The following MRPL35 variants were observed in gnomAD, a reference collection of about 807,000 sequenced individuals.
MRPL35 encodes the protein mitochondrial ribosomal protein L35, also known as large ribosomal subunit protein bL35m.
A neutral mutation model predicts 21.6 loss-of-function variants in MRPL35; 18 were observed. The observed-to-expected ratio is 0.83, with a 90% CI of 0.58 to 1.24. The LOEUF is 1.24. MRPL35 is among the 50% of genes most tolerant of loss of function. The probability of loss-of-function intolerance (pLI) is 0.00; values close to 1 mark genes in which losing one functional copy is unlikely to be tolerated. For synonymous variants in MRPL35, 87 were observed against 86.9 expected, an observed-to-expected ratio of 1.00 and a Z score of -0.01; for missense variants, 223 against 223.2, an observed-to-expected ratio of 1.00 and a Z score of 0.01.
rs1324089332 is a variant in MRPL35 at position 86,211,976 on chromosome 2, G to A, written c.*1308G>A. The A allele has an allele frequency of 1.0e-6, 1 of 987,938 alleles. No homozygotes were observed. The highest frequency in any genetic ancestry group is 1.1e-4 in the East Asian group (1 of 8,924). 61.2% of individuals were successfully genotyped at this position (987,938 alleles called of 1,614,324 possible). A position where few individuals can be genotyped will look rare whatever the true frequency, so the allele number is the denominator to read the frequency against. Reference sequence around the variant, plus strand: ...TTGTTTACTTGAAGTGGGCAGGGAAGCAGCACTGAGTAAAGTTCAATTGAG... The same window carrying A: ...TTGTTTACTTGAAGTGGGCAGGGAAACAGCACTGAGTAAAGTTCAATTGAG... On this transcript the variant is annotated 3_prime_UTR_variant, in exon 4 of 4. Transcript: ENST00000337109.
rs1245611883 is a variant in MRPL35, at chr2:86,213,257, ATTAC to A, written c.*2592_*2595del. The stretch of plus-strand genomic sequence containing the variant: ...TGTACCAATTCAGCTTTTAAATTTT[ATTAC>A]TTTGCTTTCCTGTCCTTTGCCAACT... On this transcript the variant is annotated 3_prime_UTR_variant, in exon 4 of 4. Transcript: ENST00000337109. 2 of 1,050,306 alleles carry A rather than the reference ATTAC, an allele frequency of 1.9e-6. No individual in the cohort carries two copies. The highest frequency in any genetic ancestry group is 2.3e-6 in the Non-Finnish European group (2 of 873,024). The allele number at this position is 1,050,306 out of a possible 1,614,324, so 65.1% of individuals were successfully genotyped here.
Position 86,206,153 on chromosome 2 carries a change from T to G in MRPL35, c.91T>G (p.Cys31Gly). The change falls in exon 2 of 4, where the codon TGT becomes GGT. Residue 31 changes from cysteine to glycine, a missense_variant. Transcript: ENST00000337109. ...TTTGGCATCTTCAACCTACCGCAACTGTGTCAAGAATGCCTCTCTTATTTC... is the reference window on the plus strand; with the variant it reads ...TTTGGCATCTTCAACCTACCGCAACGGTGTCAAGAATGCCTCTCTTATTTC... ...NILASSTYRN[C>G]VKNASLISAL... 6.2e-7 allele frequency: 1 copy of G among 1,614,056 alleles called. No homozygotes were observed. The highest frequency in any genetic ancestry group is 8.5e-7 in the Non-Finnish European group (1 of 1,179,914).
intron 1 of MRPL35, among the ~76,000 whole-genome samples, chr2:86,200,648 C>T (rs1673666763): frequency 6.6e-6 from 1 of 151,866 alleles, no homozygotes; most frequent in South Asian, 2.1e-4. Context: ...ATTCATTTTG[C>T]GTAGCTGTAA....
chr2:86,212,088 A>G lies in MRPL35; in HGVS notation c.*1420A>G, dbSNP rs574220543. 8.9e-7 allele frequency: 1 copy of G among 1,120,620 alleles called. No homozygotes were observed. The highest frequency in any genetic ancestry group is 5.0e-5 in the Admixed American group (1 of 20,164). The allele number at this position is 1,120,620 out of a possible 1,614,324, so 69.4% of individuals were successfully genotyped here. On this transcript the variant is annotated 3_prime_UTR_variant, in exon 4 of 4. Coordinates refer to ENST00000337109, the MANE Select transcript of MRPL35 (RefSeq NM_016622.4). ...CAAACAGCAAAGTACTTTGAAAACC[A>G]TTATTAAATAGAATTATGCATGAAT...
Position 86,211,630 on chromosome 2 carries a change from GT to G in MRPL35, c.*963del. On this transcript the variant is annotated 3_prime_UTR_variant, in exon 4 of 4. Coordinates refer to ENST00000337109, the MANE Select transcript of MRPL35 (RefSeq NM_016622.4). ...TCATGAAACAGAAGAGGCTGTACAAGTGAAGACAAGGGCTTTTTATGCAAGT... is the reference window on the plus strand; with the variant it reads ...TCATGAAACAGAAGAGGCTGTACAAGGAAGACAAGGGCTTTTTATGCAAGT... 1 of 985,414 alleles carries G rather than the reference GT, an allele frequency of 1.0e-6. No individual in the cohort carries two copies. The highest frequency in any genetic ancestry group is 1.2e-6 in the Non-Finnish European group (1 of 829,942). The allele number at this position is 985,414 out of a possible 1,614,324, so 61.0% of individuals were successfully genotyped here.
Position 86,212,276 on chromosome 2 carries a change from A to G in MRPL35, c.*1608A>G. 1 of 1,464,498 alleles carries G rather than the reference A, an allele frequency of 6.8e-7. No individual in the cohort carries two copies. The highest frequency in any genetic ancestry group is 9.1e-7 in the Non-Finnish European group (1 of 1,104,334). The allele number at this position is 1,464,498 out of a possible 1,614,324, so 90.7% of individuals were successfully genotyped here. A position where few individuals can be genotyped will look rare whatever the true frequency, so the allele number is the denominator to read the frequency against. ...TTTATTAAAAGGAGAAAGGATAACA[A>G]TAGAATGTTCTAAAACCAGAAGTCC... On this transcript the variant is annotated 3_prime_UTR_variant, in exon 4 of 4. Transcript: ENST00000337109.
Position 86,199,522 on chromosome 2 carries a change from G to C in MRPL35, c.32G>C (p.Arg11Thr), listed in dbSNP as rs773669532. 1 of 1,614,198 alleles carries C rather than the reference G, an allele frequency of 6.2e-7. No individual in the cohort carries two copies. Among genetic ancestry groups the C allele is most frequent in the South Asian group, 1.1e-5 (1 of 91,084 alleles). The change falls in exon 1 of 4, where the codon AGA becomes ACA. Residue 11 changes from arginine to threonine, a missense_variant. Coordinates refer to ENST00000337109, the MANE Select transcript of MRPL35 (RefSeq NM_016622.4). The part of the protein sequence containing the change: MAASAFAGAV[R>T]AASGILRPLN... ...GCCTCTGCCTTTGCTGGTGCAGTGA[G>C]AGCAGCTTCAGGTCAGTGGAGAGCG... is the stretch of plus-strand genomic sequence containing the variant.
chr2:86,207,360 G>C, intron 3 of MRPL35, 33 bp downstream of exon 3: 2 of 1,594,284 alleles, frequency 1.3e-6, no homozygotes, highest in Non-Finnish European at 1.7e-6. Context: ...AATTGAAAAA[G>C]GAATGTGAGG....
At chr2:86,199,625 CA>C in intron 1 of MRPL35, 92 bp downstream of exon 1, 2 of 1,452,154 alleles carry the variant, frequency 1.4e-6, no homozygotes, top group African/African-American at 1.4e-5. Context: ...GGTTAACAAG[CA>C]AAAAGGGTCA....
At chr2:86,208,384 G>GT (rs1000710675) in intron 3 of MRPL35, among the ~76,000 whole-genome samples, 108 of 151,560 alleles carry the variant, frequency 7.1e-4, no homozygotes, top group African/African-American at 2.6e-3. Flanking sequence ...TTGGCTCACT[G>GT]TGACCTCTGC....
Position 86,210,803 on chromosome 2 carries a change from T to C in MRPL35, c.*135T>C. The C allele has an allele frequency of 7.5e-7, 1 of 1,337,166 alleles. No individual in the cohort carries two copies. The highest frequency in any genetic ancestry group is 9.6e-7 in the Non-Finnish European group (1 of 1,039,736). 82.8% of individuals were successfully genotyped at this position (1,337,166 alleles called of 1,614,324 possible). A position where few individuals can be genotyped will look rare whatever the true frequency, so the allele number is the denominator to read the frequency against. On this transcript the variant is annotated 3_prime_UTR_variant, in exon 4 of 4. Transcript: ENST00000337109. ...AAACATACAGTGACAACATTAAACTTAGAAAAGTTTTAAAACTTAATGGAT... is the reference window on the plus strand; with the variant it reads ...AAACATACAGTGACAACATTAAACTCAGAAAAGTTTTAAAACTTAATGGAT...
Position 86,211,190 on chromosome 2 carries a change from C to A in MRPL35, c.*522C>A, listed in dbSNP as rs146749477. ...TTCTTTTTGCATTGTTAACTCCATT[C>A]TCTCTATTCACCAACTTCTCTACAC... On this transcript the variant is annotated 3_prime_UTR_variant, in exon 4 of 4. Transcript: ENST00000337109. 6.5e-3 allele frequency: 6,383 copies of A among 979,814 alleles called. 21 individuals carry two copies. The highest frequency in any genetic ancestry group is 7.5e-3 in the Non-Finnish European group (6,154 of 824,830). The allele number at this position is 979,814 out of a possible 1,614,324, so 60.7% of individuals were successfully genotyped here.
At position 86,212,161 on chromosome 2, in the gene MRPL35, A is replaced by G. The variant is rs919666444; in HGVS notation, c.*1493A>G. 1.1e-5 allele frequency: 14 copies of G among 1,273,514 alleles called. No individual in the cohort carries two copies. The highest frequency in any genetic ancestry group is 2.3e-5 in the South Asian group (1 of 42,708). The allele number at this position is 1,273,514 out of a possible 1,614,324, so 78.9% of individuals were successfully genotyped here. On this transcript the variant is annotated 3_prime_UTR_variant, in exon 4 of 4. Coordinates refer to ENST00000337109, the MANE Select transcript of MRPL35 (RefSeq NM_016622.4). ...TGGTAGTTGGTAATAATAAGATGAA[A>G]TTCCTCTGTTGTTAGTAAAATTATG...
At position 86,210,718 on chromosome 2, in the gene MRPL35, C is replaced by T. The variant is rs761334598; in HGVS notation, c.*50C>T. 4 of 1,516,222 alleles carry T rather than the reference C, an allele frequency of 2.6e-6. No individual in the cohort carries two copies. The African/African-American group carries it at 5.6e-5, about 21-fold the overall frequency. The allele number at this position is 1,516,222 out of a possible 1,614,324, so 93.9% of individuals were successfully genotyped here. A position where few individuals can be genotyped will look rare whatever the true frequency, so the allele number is the denominator to read the frequency against. ...GTTATTGGATATGTATCTTTGTGTA[C>T]ATATCTTTGCAAAAATGGATAAGTA... On this transcript the variant is annotated 3_prime_UTR_variant, in exon 4 of 4. Coordinates refer to ENST00000337109, the MANE Select transcript of MRPL35 (RefSeq NM_016622.4).
chr2:86,203,780 A>G (rs1051292668), intron 1 of MRPL35, among the ~76,000 whole-genome samples: 1 of 152,166 alleles, frequency 6.6e-6, no homozygotes, highest in African/African-American at 2.4e-5. Flanking sequence ...ATTTGAGGAA[A>G]CTGGGGCACA....
At chr2:86,208,240 T>C (rs1023024402) in intron 3 of MRPL35, among the ~76,000 whole-genome samples, 21 of 152,248 alleles carry the variant, frequency 1.4e-4, no homozygotes, top group African/African-American at 5.1e-4. Context: ...ACTAAAGGTC[T>C]AATGTTCTGA....
chr2:86,212,530 A>G lies in MRPL35; in HGVS notation c.*1862A>G. 1.3e-6 allele frequency: 2 copies of G among 1,597,184 alleles called. No individual in the cohort carries two copies. The highest frequency in any genetic ancestry group is 2.2e-5 in the East Asian group (1 of 44,468). ...GTGAGATGGAAATGGTGCCTGCAGA[A>G]GTTGGGGAGAAGGATACTTTTGCAC... On this transcript the variant is annotated 3_prime_UTR_variant, in exon 4 of 4. Coordinates refer to ENST00000337109, the MANE Select transcript of MRPL35 (RefSeq NM_016622.4).
intron 3 of MRPL35, among the ~76,000 whole-genome samples, chr2:86,207,550 C>T (rs1337822602): frequency 6.6e-6 from 1 of 152,178 alleles, no homozygotes; most frequent in African/African-American, 2.4e-5. Context: ...CACATAATTG[C>T]TTGAACCCGG....
chr2:86,208,190 A>C (rs1380478889), intron 3 of MRPL35, among the ~76,000 whole-genome samples: 2 of 152,212 alleles, frequency 1.3e-5, no homozygotes, highest in African/African-American at 2.4e-5. Context: ...AGTTTCCTAC[A>C]CCAGTCAGCA....
Sources: gnomAD v4.1 joint callset for allele counts (sites outside exome capture counted in the v4.1 genomes callset) on GRCh38, gnomAD v4.1.1 for gene constraint, MANE v1.5 for transcripts, NCBI Gene and HGNC (gene_info 2026-07-23, HGNC 2026-07-21) for gene names.